Variants in RECQL5 observed in about 807,000 individuals in gnomAD.
The protein encoded by RECQL5 is ATP-dependent DNA helicase Q5.
Under a neutral mutation model 103.4 loss-of-function variants are expected in RECQL5, and 88 were observed. That is an observed-to-expected ratio of 0.85 (90% CI 0.72 to 1.02). The LOEUF (loss-of-function observed/expected upper bound fraction) is 1.02, where lower values mean the gene tolerates loss of function less well. Ranked by LOEUF, RECQL5 falls within the 50% of genes least tolerant of loss-of-function variation. RECQL5 has a pLI of 0.00. For missense variants in RECQL5, 1,232 were observed against 1,284.3 expected, an observed-to-expected ratio of 0.96 and a Z score of 0.62; for synonymous variants, 552 against 507.9, an observed-to-expected ratio of 1.09 and a Z score of -1.17.
At chr17:75,661,170 G>T in intron 5 of RECQL5, 104 bp from the exon 6 acceptor site, 1 of 840,850 alleles carries the variant, frequency 1.2e-6, no homozygotes, top group South Asian at 1.4e-5. Flanking sequence ...CACAAACCCT[G>T]AATCTTTCAC....
At chr17:75,658,604 T>C (rs1421887196) in intron 6 of RECQL5, 144 bp from the exon 7 acceptor site, 8 of 686,012 alleles carry the variant, frequency 1.2e-5, no homozygotes, top group Non-Finnish European at 1.9e-5. Flanking sequence ...TTAAGACACC[T>C]GTAGCCCATC....
intron 7 of RECQL5, among the ~76,000 whole-genome samples, chr17:75,653,234 C>T (rs1380462497): frequency 2.0e-5 from 3 of 152,222 alleles, no homozygotes; most frequent in Non-Finnish European, 4.4e-5. Flanking sequence ...ACCTCTGCAC[C>T]CTTATCCAAT....
chr17:75,666,117 G>A (rs2059775187), intron 2 of RECQL5, among the ~76,000 whole-genome samples: 1 of 152,110 alleles, frequency 6.6e-6, no homozygotes, highest in African/African-American at 2.4e-5. Flanking sequence ...CAGCTGGGTG[G>A]TTCTGCCACT....
chr17:75,662,386 T>C (rs1464149348), intron 4 of RECQL5, 93 bp downstream of exon 4: 2 of 1,375,248 alleles, frequency 1.5e-6, no homozygotes, highest in East Asian at 2.3e-5. Flanking sequence ...CTGAGAAAGC[T>C]AGAAAAACCA....
Position 75,627,351 on chromosome 17 carries a change from G to T in RECQL5, c.*71C>A. On this transcript the variant is annotated 3_prime_UTR_variant, in exon 20 of 20. Coordinates refer to ENST00000317905, the MANE Select transcript of RECQL5 (RefSeq NM_004259.7). ...AGAAAAGACGATGGCCCTGGCATCA[G>T]CAGGTGAGGCCCAGGATGACCCATG... 1 of 1,134,914 alleles carries T rather than the reference G, an allele frequency of 8.8e-7. No individual in the cohort carries two copies. Among genetic ancestry groups the T allele is most frequent in the Non-Finnish European group, 1.3e-6 (1 of 752,618 alleles). 70.3% of individuals were successfully genotyped at this position (1,134,914 alleles called of 1,614,324 possible).
intron 8 of RECQL5, among the ~76,000 whole-genome samples, chr17:75,633,181 G>A (rs1010026245): frequency 6.6e-6 from 1 of 152,250 alleles, no homozygotes; most frequent in Non-Finnish European, 1.5e-5. Flanking sequence ...CACAGCGGCC[G>A]CCTGTCCAGC....
Position 75,640,248 on chromosome 17 carries a change from G to A in RECQL5, c.1230-8580C>T. The A allele has an allele frequency of 1.3e-6, 2 of 1,551,440 alleles. No individual in the cohort carries two copies. The highest frequency in any genetic ancestry group is 1.7e-6 in the Non-Finnish European group (2 of 1,146,902). ...CAGGAGATGCGCGCCGTGGGCGAGAGGCTGCTGCTCAAGCTGCAGAGACTG... is the reference window on the plus strand; with the variant it reads ...CAGGAGATGCGCGCCGTGGGCGAGAAGCTGCTGCTCAAGCTGCAGAGACTG... On this transcript the variant is annotated intron_variant, in intron 8 of 19. Coordinates refer to ENST00000317905, the MANE Select transcript of RECQL5 (RefSeq NM_004259.7). This position sits in a 1 kb window ranked among gnomAD's most constrained non-coding sequence, Gnocchi z 4.6.
intron 7 of RECQL5, among the ~76,000 whole-genome samples, chr17:75,655,430 C>G (rs1347825575): frequency 3.3e-5 from 5 of 149,428 alleles, no homozygotes; most frequent in African/African-American, 9.9e-5. Context: ...GTGGTGCAAT[C>G]TGGGCTCACT....
chr17:75,661,869 A>T (rs972032826), intron 4 of RECQL5, among the ~76,000 whole-genome samples, 161 bp from the exon 5 acceptor site: 2 of 152,242 alleles, frequency 1.3e-5, no homozygotes, highest in African/African-American at 4.8e-5. Context: ...CTTTATAAAA[A>T]GCAGGACCAG....
At chr17:75,642,263 G>A (rs1167999242) in intron 8 of RECQL5, among the ~76,000 whole-genome samples, 2 of 152,172 alleles carry the variant, frequency 1.3e-5, no homozygotes, top group Admixed American at 6.5e-5. Context: ...GTGCCTCCCC[G>A]GGGCTTCCCC....
At position 75,640,999 on chromosome 17, in the gene RECQL5, C is replaced by T. The variant is rs1465815838; in HGVS notation, c.1230-9331G>A. 2.0e-6 allele frequency: 3 copies of T among 1,485,116 alleles called. No homozygotes were observed. Among genetic ancestry groups the T allele is most frequent in the East Asian group, 2.5e-5 (1 of 39,954 alleles). The allele number at this position is 1,485,116 out of a possible 1,614,324, so 92.0% of individuals were successfully genotyped here. ...AGCCCTTACCCCTCAAGACCAGGCT[C>T]CCCTGGCCCCAGCTCTGGCCCAGCC... On this transcript the variant is annotated intron_variant, in intron 8 of 19. Coordinates refer to ENST00000317905, the MANE Select transcript of RECQL5 (RefSeq NM_004259.7). This position sits in a 1 kb window ranked among gnomAD's most constrained non-coding sequence, Gnocchi z 4.6.
intron 4 of RECQL5, among the ~76,000 whole-genome samples, 195 bp downstream of exon 4, chr17:75,662,284 C>T (rs778524305): frequency 6.6e-6 from 1 of 152,200 alleles, no homozygotes; most frequent in Non-Finnish European, 1.5e-5. Context: ...TTGCCTTCCA[C>T]AGGATCCAGA....
In RECQL5 at chr17:75,630,789, A is replaced by T; in HGVS notation, c.1634T>A (p.Leu545Gln). Residue 545 changes from leucine to glutamine, a missense_variant, in exon 12 of 20, where the codon CTG (leucine) becomes CAG (glutamine). Physicochemically the swap from Leu to Gln is moderately radical, Grantham distance 113. Coordinates refer to ENST00000317905, the MANE Select transcript of RECQL5 (RefSeq NM_004259.7). ...CTGCCCGTCTCTTACCTTCACAGTCAGCCTGGGGATCCTCCTGCTAGAAGC... is the reference window on the plus strand; with the variant it reads ...CTGCCCGTCTCTTACCTTCACAGTCTGCCTGGGGATCCTCCTGCTAGAAGC... ...KEASSRRIPRLTVKAREHCLR... is the reference protein window; with the variant it reads ...KEASSRRIPRQTVKAREHCLR... The T allele has an allele frequency of 1.4e-6, 2 of 1,469,460 alleles. No individual in the cohort carries two copies. Among genetic ancestry groups the T allele is most frequent in the Non-Finnish European group, 1.8e-6 (2 of 1,102,496 alleles). 91.0% of individuals were successfully genotyped at this position (1,469,460 alleles called of 1,614,324 possible). A position where few individuals can be genotyped will look rare whatever the true frequency, so the allele number is the denominator to read the frequency against.
chr17:75,631,607 A>T lies in RECQL5; in HGVS notation c.1291T>A (p.Cys431Ser). 6.2e-7 allele frequency: 1 copy of T among 1,612,732 alleles called. No homozygotes were observed. Among genetic ancestry groups the T allele is most frequent in the East Asian group, 2.2e-5 (1 of 44,880 alleles). ...GDALPACAKG[C>S]DHCQNPTAVR... ...GCCGTGGGGTTCTGGCAGTGGTCGC[A>T]GCCTTTGGCGCAGGCAGGCAGCGCA... The change falls in exon 9 of 20, where the codon TGC (cysteine) becomes AGC (serine). Residue 431 changes from cysteine to serine, a missense_variant. Cys to Ser is a moderately radical substitution (Grantham distance 112). Coordinates refer to ENST00000317905, the MANE Select transcript of RECQL5 (RefSeq NM_004259.7).
chr17:75,659,843 A>G (rs2059676004), intron 6 of RECQL5, among the ~76,000 whole-genome samples: 1 of 152,234 alleles, frequency 6.6e-6, no homozygotes, highest in Admixed American at 6.5e-5. Context: ...GCTGTAGCCC[A>G]AAACGCCTCT....
chr17:75,647,692 G>A, intron 8 of RECQL5: 1 of 869,192 alleles, frequency 1.2e-6, no homozygotes, highest in Non-Finnish European at 1.8e-6. Flanking sequence ...TTTCCCATCA[G>A]GAAAAAGTCT....
chr17:75,631,246 A>G lies in RECQL5; in HGVS notation c.1452T>C (p.Tyr484=), dbSNP rs1308881020. 1.2e-6 allele frequency: 2 copies of G among 1,613,670 alleles called. No individual in the cohort carries two copies. Among genetic ancestry groups the G allele is most frequent in the South Asian group, 1.1e-5 (1 of 91,088 alleles). Residue 484 remains tyrosine, a synonymous_variant, in exon 10 of 20, where the codon TAT becomes TAC. Transcript: ENST00000317905. ...CCCCGCTGCCTCCAGAACCTTCGTC[A>G]TACCTAGGGACAGGCCAGGCGTGAG... ...GRKGYGDFSR[Y]DEGSGGSGDE...
At chr17:75,662,442 C>T in intron 4 of RECQL5, 37 bp downstream of exon 4, 1 of 1,597,466 alleles carries the variant, frequency 6.3e-7, no homozygotes, top group Non-Finnish European at 8.5e-7. Context: ...CACCCCACTG[C>T]TCTAACAGCT....
chr17:75,655,756 C>T (rs2059612033), intron 7 of RECQL5, among the ~76,000 whole-genome samples: 3 of 151,984 alleles, frequency 2.0e-5, no homozygotes, highest in South Asian at 2.1e-4. Context: ...CTCAGCTTAC[C>T]GCAACCTCAA....
Sources: allele counts gnomAD v4.1 joint callset (sites outside exome capture counted in the v4.1 genomes callset), GRCh38; gene constraint gnomAD v4.1.1; non-coding constraint Gnocchi (gnomAD v3.1); transcripts MANE v1.5; gene names NCBI Gene and HGNC (gene_info 2026-07-23, HGNC 2026-07-21).